TOX4: variants seen among roughly 807,000 people sequenced by gnomAD.
TOX4 encodes TOX high mobility group box family member 4.
In TOX4, 12 loss-of-function variants were observed where a neutral mutation model predicts 61.0. The ratio of observed to expected loss-of-function variants is 0.20; its 90% CI spans 0.13 to 0.32. TOX4 has a LOEUF of 0.32. Ranked by LOEUF, TOX4 falls within the 10% of genes least tolerant of loss-of-function variation. The pLI, the probability that TOX4 is intolerant of heterozygous loss-of-function variation, is 1.00. For missense variants in TOX4, 499 were observed against 753.3 expected (o/e 0.66, Z 3.95); for synonymous variants, 268 against 274.8 (o/e 0.98, Z 0.24).
chr14:21,478,787 G>A (rs1193669236), intron 2 of TOX4, among the ~76,000 whole-genome samples: 1 of 151,918 alleles, frequency 6.6e-6, no homozygotes, highest in Non-Finnish European at 1.5e-5. Context: ...ACAAGGGCCA[G>A]TTGCTAGTTT....
At position 21,495,406 on chromosome 14, in the gene TOX4, T is replaced by A; in HGVS notation, c.1805+14T>A. 1 of 1,604,424 alleles carries A rather than the reference T, an allele frequency of 6.2e-7. No individual in the cohort carries two copies. The highest frequency in any genetic ancestry group is 1.1e-5 in the South Asian group (1 of 89,766). ...GAAGCACTGCAGGTGAGCTTACAGT[T>A]CTCCCTTTTATAATTCAGCTACTGG... On this transcript the variant is annotated intron_variant, in intron 8 of 8. Transcript: ENST00000448790.
intron 5 of TOX4, among the ~76,000 whole-genome samples, chr14:21,489,784 T>C (rs956310930): frequency 8.6e-5 from 13 of 152,000 alleles, no homozygotes; most frequent in Non-Finnish European, 1.5e-4. Flanking sequence ...CGTTTCACCA[T>C]GTCAGCCAGG....
At chr14:21,480,541 T>G (rs1016459898) in intron 2 of TOX4, among the ~76,000 whole-genome samples, 4 of 151,160 alleles carry the variant, frequency 2.6e-5, no homozygotes, top group African/African-American at 9.7e-5. Context: ...TAAAAAAAAG[T>G]TTTTTTTTAC....
Position 21,489,208 on chromosome 14 carries a change from A to T in TOX4, c.615A>T (p.Ala205=), listed in dbSNP as rs200032472. The T allele has an allele frequency of 1.9e-6, 3 of 1,614,036 alleles. No homozygotes were observed. In the East Asian group the frequency reaches 6.7e-5, roughly 36 times the overall value. ...GCCAGAAGACAGTCGTGGTGGAAGCAGGGAAAAAGCAGAAGGCCCCAAAGA... is the reference window on the plus strand; with the variant it reads ...GCCAGAAGACAGTCGTGGTGGAAGCTGGGAAAAAGCAGAAGGCCCCAAAGA... The part of the protein sequence containing the change: ...LPSQKTVVVE[A]GKKQKAPKKR... Residue 205 remains alanine (A), a synonymous_variant, in exon 5 of 9, where the codon GCA becomes GCT. Coordinates refer to ENST00000448790, the MANE Select transcript of TOX4 (RefSeq NM_014828.4).
chr14:21,495,167 C>G (rs1891374303), intron 7 of TOX4, 62 bp from the exon 8 acceptor site: 6 of 1,563,516 alleles, frequency 3.8e-6, no homozygotes, highest in African/African-American at 1.4e-5. Flanking sequence ...GATAATTTAG[C>G]TAACTAGCTA....
At position 21,492,827 on chromosome 14, in the gene TOX4, A is replaced by C; in HGVS notation, c.1211A>C (p.Gln404Pro). ...VVTSRGLQLG[Q>P]TSTATIQPSQ... is the part of the protein sequence containing the mutation. ...ACCTCCCGGGGGCTCCAACTAGGCCAAACCAGTACAGCTACTATCCAGCCC... is the reference window on the plus strand; with the variant it reads ...ACCTCCCGGGGGCTCCAACTAGGCCCAACCAGTACAGCTACTATCCAGCCC... The change falls in exon 7 of 9, where the codon CAA (glutamine) becomes CCA (proline). Residue 404 changes from glutamine to proline, a missense_variant. Physicochemically the swap from Gln to Pro is moderately conservative, Grantham distance 76. Around this residue, in one of 7 missense-constraint regions of TOX4, gnomAD observed 296 missense variants for 404.7 expected, o/e 0.73. Coordinates refer to ENST00000448790, the MANE Select transcript of TOX4 (RefSeq NM_014828.4). 1 of 1,614,118 alleles carries C rather than the reference A, an allele frequency of 6.2e-7. No homozygotes were observed. The highest frequency in any genetic ancestry group is 1.1e-5 in the South Asian group (1 of 91,074).
Position 21,493,216 on chromosome 14 carries a change from C to CCTGAGA in TOX4, c.1603_1608dup (p.Glu535_Thr536dup). 6.2e-7 allele frequency: 1 copy of CCTGAGA among 1,613,836 alleles called. No individual in the cohort carries two copies. Among genetic ancestry groups the CCTGAGA allele is most frequent in the Admixed American group, 1.7e-5 (1 of 59,938 alleles). On this transcript the variant is annotated inframe_insertion, in exon 7 of 9. Transcript: ENST00000448790. ...GGCCCATACAGTGGAGGCACCTTCT[C>CCTGAGA]CTGAGACTATCTGTGAGATGATCAC...
At chr14:21,495,205 T>C in intron 7 of TOX4, 24 bp from the exon 8 acceptor site, 4 of 1,612,396 alleles carry the variant, frequency 2.5e-6, no homozygotes, top group Non-Finnish European at 2.5e-6. Context: ...CTAATCCACC[T>C]TGGTACTCTT....
At chr14:21,482,657 ACTT>A (rs1891124390) in intron 2 of TOX4, 1 of 442,862 alleles carries the variant, frequency 2.3e-6, no homozygotes, top group Non-Finnish European at 4.6e-6. Context: ...TGTCCAAACC[ACTT>A]CTTTTTAATA....
At chr14:21,482,505 C>A (rs780683708) in intron 2 of TOX4, 4 of 443,254 alleles carry the variant, frequency 9.0e-6, no homozygotes, top group South Asian at 6.8e-5. Context: ...TTTTGGTTCT[C>A]TTGATATTTA....
chr14:21,483,830 CAG>C (rs1395260063), intron 2 of TOX4, among the ~76,000 whole-genome samples: 2 of 151,874 alleles, frequency 1.3e-5, no homozygotes, highest in African/African-American at 4.8e-5. Context: ...GCGTGTGAGA[CAG>C]AGTCTTGCTC....
rs1236373107 is a variant in TOX4 at position 21,488,834 on chromosome 14, T to C, written c.563T>C (p.Val188Ala). The C allele has an allele frequency of 6.2e-7, 1 of 1,613,892 alleles. No individual in the cohort carries two copies. Residue 188 changes from valine to alanine, a missense_variant, in exon 4 of 9, where the codon GTT becomes GCT. Physicochemically the swap from Val to Ala is moderately conservative, Grantham distance 64. Around this residue, in one of 7 missense-constraint regions of TOX4, gnomAD observed 61 missense variants for 76.1 expected, o/e 0.80. Transcript: ENST00000448790. ...SPTSSLHEDG[V>A]EDFRRQLPSQ... ...ACTAGTTCACTTCACGAGGATGGTGTTGAGGATTTCCGGAGGGTGAGGCAT... is the reference window on the plus strand; with the variant it reads ...ACTAGTTCACTTCACGAGGATGGTGCTGAGGATTTCCGGAGGGTGAGGCAT...
At chr14:21,487,732 G>A in intron 3 of TOX4, 39 bp downstream of exon 3, 1 of 1,581,182 alleles carries the variant, frequency 6.3e-7, no homozygotes, top group Non-Finnish European at 8.6e-7. Flanking sequence ...CCCAGCTAAT[G>A]GGCATGGCAT....
chr14:21,477,586 C>T (rs1055386203), intron 2 of TOX4, 22 bp downstream of exon 2: 5 of 1,612,736 alleles, frequency 3.1e-6, no homozygotes, highest in Non-Finnish European at 4.2e-6. Flanking sequence ...CTGCCGACGC[C>T]GCGGGGGTAG....
In TOX4 at chr14:21,492,789, A is replaced by G; in HGVS notation, c.1173A>G (p.Pro391=). The G allele has an allele frequency of 6.2e-7, 1 of 1,614,116 alleles. No individual in the cohort carries two copies. Among genetic ancestry groups the G allele is most frequent in the South Asian group, 1.1e-5 (1 of 91,076 alleles). ...AAGGAGGGATGGTTACTGTTATCCC[A>G]GCCACAGTGGTGACCTCCCGGGGGC... ...MSQGGMVTVI[P]ATVVTSRGLQ... The change falls in exon 7 of 9, where the codon CCA becomes CCG. Residue 391 remains proline, a synonymous_variant. Transcript: ENST00000448790.
chr14:21,498,658 TGCTA>T lies in TOX4; in HGVS notation c.*2055_*2058del. 2.0e-6 allele frequency: 1 copy of T among 499,120 alleles called. No homozygotes were observed. The highest frequency in any genetic ancestry group is 3.5e-5 in the East Asian group (1 of 28,930). 30.9% of individuals were successfully genotyped at this position (499,120 alleles called of 1,614,324 possible). A position where few individuals can be genotyped will look rare whatever the true frequency, so the allele number is the denominator to read the frequency against. On this transcript the variant is annotated 3_prime_UTR_variant, in exon 9 of 9. Coordinates refer to ENST00000448790, the MANE Select transcript of TOX4 (RefSeq NM_014828.4). ...GGGAGTATTCTTTGGATAAGCAAAA[TGCTA>T]GCAGCATGTGTTTTAAGCTCTGTTA...
chr14:21,492,000 G>A (rs938378261), intron 5 of TOX4: 4 of 207,428 alleles, frequency 1.9e-5, no homozygotes, highest in Admixed American at 5.4e-5. Context: ...GAGAGAGCAC[G>A]ACTCTGTCTC....
At position 21,492,640 on chromosome 14, in the gene TOX4, G is replaced by T; in HGVS notation, c.1024G>T (p.Val342Phe). The T allele has an allele frequency of 6.2e-7, 1 of 1,613,754 alleles. No homozygotes were observed. The highest frequency in any genetic ancestry group is 8.5e-7 in the Non-Finnish European group (1 of 1,180,008). Residue 342 changes from valine to phenylalanine, a missense_variant, in exon 7 of 9, where the codon GTT becomes TTT. Coordinates refer to ENST00000448790, the MANE Select transcript of TOX4 (RefSeq NM_014828.4). ...GCCCCCTGCCCTGTCCCCATCCATT[G>T]TTGTTAACTCCACCCTTTCATCCTA... ...IEPPALSPSI[V>F]VNSTLSSYVA...
chr14:21,479,277 A>T (rs2095651091), intron 2 of TOX4, among the ~76,000 whole-genome samples: 1 of 148,584 alleles, frequency 6.7e-6, no homozygotes, highest in South Asian at 2.2e-4. Flanking sequence ...GGAGAATTGC[A>T]TGAGCCCAAG....
Sources: allele counts gnomAD v4.1 joint callset (sites outside exome capture counted in the v4.1 genomes callset), GRCh38; gene constraint gnomAD v4.1.1; regional missense constraint gnomAD v4.1.1; transcripts MANE v1.5; gene names NCBI Gene and HGNC (gene_info 2026-07-23, HGNC 2026-07-21).